RNF214: variants seen among roughly 807,000 people sequenced by gnomAD.
The protein encoded by RNF214 is ring finger protein 214.
RNF214 carries 25 observed loss-of-function variants against 75.9 expected under a neutral mutation model. The observed-to-expected ratio is 0.33, with a 90% CI of 0.24 to 0.46. RNF214 has a LOEUF of 0.46. Ranked by LOEUF, RNF214 falls within the 20% of genes least tolerant of loss-of-function variation. RNF214 has a pLI of 1.00. For missense variants in RNF214, 725 were observed against 857.5 expected (o/e 0.85, Z 1.93); for synonymous variants, 314 against 308.8 (o/e 1.02, Z -0.18).
At chr11:117,284,958 A>T (rs1177511862) in intron 14 of RNF214, 128 bp from the exon 15 acceptor site, 13 of 653,732 alleles carry the variant, frequency 2.0e-5, no homozygotes, top group Non-Finnish European at 2.7e-6. Context: ...AGCAACAAAA[A>T]AAGCCCCTCT....
intron 6 of RNF214, among the ~76,000 whole-genome samples, chr11:117,251,787 G>C (rs2033401110): frequency 1.3e-5 from 2 of 152,204 alleles, no homozygotes; most frequent in East Asian, 3.8e-4. Flanking sequence ...AGGAGTTTGG[G>C]TTTTTCCATG....
At chr11:117,258,099 T>G (rs192778329) in intron 6 of RNF214, among the ~76,000 whole-genome samples, 42 of 152,202 alleles carry the variant, frequency 2.8e-4, no homozygotes, top group Non-Finnish European at 5.6e-4. Flanking sequence ...TTTTTTTTCT[T>G]TTTTTGAGAC....
chr11:117,247,449 T>TA (rs1314808546), intron 6 of RNF214, among the ~76,000 whole-genome samples: 8 of 152,170 alleles, frequency 5.3e-5, no homozygotes, highest in Admixed American at 2.6e-4. Flanking sequence ...CAGCTGTGAT[T>TA]ACGCCACTGC....
At chr11:117,283,287 ACT>A in intron 14 of RNF214, 77 bp downstream of exon 14, 14 of 972,248 alleles carry the variant, frequency 1.4e-5, no homozygotes, top group Non-Finnish European at 2.1e-5. Context: ...CTCATTTTCT[ACT>A]CTTTTTTTTC....
At chr11:117,284,933 A>G (rs1591846398) in intron 14 of RNF214, among the ~76,000 whole-genome samples, 153 bp from the exon 15 acceptor site, 1 of 152,196 alleles carries the variant, frequency 6.6e-6, no homozygotes, top group Non-Finnish European at 1.5e-5. Flanking sequence ...GGGTCTCAAA[A>G]AAAGAAAAAA....
chr11:117,247,756 CAG>C (rs1334432995), intron 6 of RNF214, among the ~76,000 whole-genome samples: 1 of 150,616 alleles, frequency 6.6e-6, no homozygotes, highest in East Asian at 2.0e-4. Context: ...GAAGCTGAGG[CAG>C]GGGAATCGCT....
At chr11:117,270,236 CTTTTCTTTTTTTT>C (rs1432140395) in intron 6 of RNF214, among the ~76,000 whole-genome samples, 1,710 of 93,300 alleles carry the variant, frequency 0.018, 26 homozygotes, top group Non-Finnish European at 0.03. Context: ...CTTTTCTTTT[CTTTTCTTTTTTTT>C]TTTTTTTTTT....
At chr11:117,243,663 A>G (rs1384366955) in intron 4 of RNF214, among the ~76,000 whole-genome samples, 2 of 152,128 alleles carry the variant, frequency 1.3e-5, no homozygotes, top group Admixed American at 1.3e-4. Flanking sequence ...TTCTTGATTT[A>G]CTGACATGGG....
chr11:117,285,312 C>T lies in RNF214; in HGVS notation c.*161C>T, dbSNP rs376733603. On this transcript the variant is annotated 3_prime_UTR_variant, in exon 15 of 15. Coordinates refer to ENST00000300650, the MANE Select transcript of RNF214 (RefSeq NM_207343.4). Reference sequence around the variant, plus strand: ...TATAGAAAGTCTGTATTCCAATGTTCGTAAATGAAACTATGTATATTATGC... The same window carrying T: ...TATAGAAAGTCTGTATTCCAATGTTTGTAAATGAAACTATGTATATTATGC... The T allele has an allele frequency of 1.8e-5, 10 of 543,702 alleles. No individual in the cohort carries two copies. Among genetic ancestry groups the T allele is most frequent in the Non-Finnish European group, 2.9e-5 (9 of 305,400 alleles). The allele number at this position is 543,702 out of a possible 1,614,324, so 33.7% of individuals were successfully genotyped here. A position where few individuals can be genotyped will look rare whatever the true frequency, so the allele number is the denominator to read the frequency against.
intron 6 of RNF214, among the ~76,000 whole-genome samples, chr11:117,253,901 T>C (rs2033458878): frequency 6.6e-6 from 1 of 152,112 alleles, no homozygotes; most frequent in Admixed American, 6.6e-5. Context: ...ATTCATAGGA[T>C]AGGTAAGTAG....
At chr11:117,268,397 A>G (rs1478181727) in intron 6 of RNF214, among the ~76,000 whole-genome samples, 1 of 152,216 alleles carries the variant, frequency 6.6e-6, no homozygotes, top group Non-Finnish European at 1.5e-5. Context: ...GCCTTTAGAA[A>G]GATTTACGTA....
chr11:117,281,719 G>A (rs1423162927), intron 10 of RNF214, 21 bp downstream of exon 10: 1 of 1,584,290 alleles, frequency 6.3e-7, no homozygotes, highest in Admixed American at 1.7e-5. Flanking sequence ...GGCTTTGGGG[G>A]GAAGTTCACC....
At chr11:117,266,037 C>A (rs572595474) in intron 6 of RNF214, among the ~76,000 whole-genome samples, 2 of 152,244 alleles carry the variant, frequency 1.3e-5, no homozygotes, top group African/African-American at 4.8e-5. Context: ...TGGTAGATAT[C>A]AATAGTTTAT....
chr11:117,285,248 C>A lies in RNF214; in HGVS notation c.*97C>A. On this transcript the variant is annotated 3_prime_UTR_variant, in exon 15 of 15. Coordinates refer to ENST00000300650, the MANE Select transcript of RNF214 (RefSeq NM_207343.4). ...CTCTATATTTATACAGTGACATATA[C>A]TCATGCCATGTACATTTTTATTATA... 1 of 791,086 alleles carries A rather than the reference C, an allele frequency of 1.3e-6. No homozygotes were observed. Among genetic ancestry groups the A allele is most frequent in the Non-Finnish European group, 2.2e-6 (1 of 455,334 alleles). The allele number at this position is 791,086 out of a possible 1,614,324, so 49.0% of individuals were successfully genotyped here. A position where few individuals can be genotyped will look rare whatever the true frequency, so the allele number is the denominator to read the frequency against.
At position 117,283,143 on chromosome 11, in the gene RNF214, T is replaced by G. The variant is rs1285409326; in HGVS notation, c.1979T>G (p.Met660Arg). 1 of 1,614,170 alleles carries G rather than the reference T, an allele frequency of 6.2e-7. No individual in the cohort carries two copies. The highest frequency in any genetic ancestry group is 8.5e-7 in the Non-Finnish European group (1 of 1,180,000). ...CCAGCCACCTGTAAGCTATGTCTAATGTGCCAGAAACTCGTCCAGCCCAGT... is the reference window on the plus strand; with the variant it reads ...CCAGCCACCTGTAAGCTATGTCTAAGGTGCCAGAAACTCGTCCAGCCCAGT... ...HAPATCKLCL[M>R]CQKLVQPSEL... The change falls in exon 14 of 15, where the codon ATG becomes AGG. Residue 660 changes from methionine to arginine, a missense_variant. This residue lies in a region of RNF214 where 363 missense variants were observed against 513.0 expected (regional missense o/e 0.71). Coordinates refer to ENST00000300650, the MANE Select transcript of RNF214 (RefSeq NM_207343.4).
intron 6 of RNF214, 107 bp from the exon 7 acceptor site, chr11:117,279,801 C>G: frequency 1.5e-6 from 1 of 659,560 alleles, no homozygotes; most frequent in Non-Finnish European, 2.6e-6. Flanking sequence ...AGTAAGACTT[C>G]CTGTAACATA....
Position 117,282,420 on chromosome 11 carries a change from A to T in RNF214, c.1729A>T (p.Ile577Phe). 6.2e-7 allele frequency: 1 copy of T among 1,613,942 alleles called. No homozygotes were observed. Among genetic ancestry groups the T allele is most frequent in the Non-Finnish European group, 8.5e-7 (1 of 1,179,894 alleles). The stretch of plus-strand genomic sequence containing the variant: ...TTTCCTCAGGGCCCAGATGACCAAC[A>T]TTCTTCAGCAGATCAAGACAGCACG... ...PQCNKAQMTN[I>F]LQQIKTARTT... The change falls in exon 12 of 15, where the codon ATT becomes TTT. Residue 577 changes from isoleucine (I) to phenylalanine (F), a missense_variant. This residue lies in a region of RNF214 where 363 missense variants were observed against 513.0 expected (regional missense o/e 0.71). Transcript: ENST00000300650.
In RNF214 at chr11:117,239,875, T is replaced by C; in HGVS notation, c.678+15T>C. On this transcript the variant is annotated intron_variant, in intron 4 of 14. Coordinates refer to ENST00000300650, the MANE Select transcript of RNF214 (RefSeq NM_207343.4). ...AAAAGAATTTGGTAAGTATTTAAAC[T>C]GTCCTTGTTATATGAAGCCATTATC... 1 of 1,371,672 alleles carries C rather than the reference T, an allele frequency of 7.3e-7. No individual in the cohort carries two copies. The highest frequency in any genetic ancestry group is 1.0e-6 in the Non-Finnish European group (1 of 960,480). 85.0% of individuals were successfully genotyped at this position (1,371,672 alleles called of 1,614,324 possible).
chr11:117,271,243 C>T (rs2033904113), intron 6 of RNF214, among the ~76,000 whole-genome samples: 1 of 152,166 alleles, frequency 6.6e-6, no homozygotes, highest in Non-Finnish European at 1.5e-5. Flanking sequence ...GTATCGTTTT[C>T]TGTACCCTAA....
Sources: allele counts gnomAD v4.1 joint callset (sites outside exome capture counted in the v4.1 genomes callset), GRCh38; gene constraint gnomAD v4.1.1; regional missense constraint gnomAD v4.1.1; transcripts MANE v1.5; gene names NCBI Gene and HGNC (gene_info 2026-07-23, HGNC 2026-07-21).